NBAS: variants seen among roughly 807,000 people sequenced by gnomAD.
NBAS encodes the protein NBAS subunit of NRZ tethering complex.
Under a neutral mutation model 302.5 loss-of-function variants are expected in NBAS, and 219 were observed. The observed-to-expected ratio is 0.72, with a 90% CI of 0.65 to 0.81. The LOEUF is 0.81. NBAS is among the 30% of genes least tolerant of loss of function. The pLI is 0.00. For synonymous variants in NBAS, 1,118 were observed against 1,021.6 expected, an observed-to-expected ratio of 1.09 and a Z score of -1.80; for missense variants, 2,932 against 2,841.6, an observed-to-expected ratio of 1.03 and a Z score of -0.72.
chr2:15,314,979 T>C (rs1671440443), intron 38 of NBAS, among the ~76,000 whole-genome samples: 1 of 152,088 alleles, frequency 6.6e-6, no homozygotes, highest in African/African-American at 2.4e-5. Context: ...TGGGGAAAAA[T>C]CAGAGCATGG....
chr2:15,002,586 G>A, the NBAS span, among the ~76,000 whole-genome samples: 4 of 152,230 alleles, frequency 2.6e-5, no homozygotes, highest in East Asian at 7.7e-4. Flanking sequence ...GGAGCAGGGG[G>A]TGGCACTCAC....
At chr2:15,412,246 C>T (rs190314251) in intron 25 of NBAS, among the ~76,000 whole-genome samples, 44 of 152,260 alleles carry the variant, frequency 2.9e-4, no homozygotes, top group Middle Eastern at 3.4e-3. Context: ...GCCCATGAGA[C>T]GTTCTTTGAC....
At chr2:14,962,863 G>A in the NBAS span, among the ~76,000 whole-genome samples, 1 of 152,052 alleles carries the variant, frequency 6.6e-6, no homozygotes, top group East Asian at 1.9e-4. Flanking sequence ...TGTTGCAAAA[G>A]GGGATTATTC....
At chr2:15,339,213 T>A (rs926844154) in intron 35 of NBAS, among the ~76,000 whole-genome samples, 3 of 152,130 alleles carry the variant, frequency 2.0e-5, no homozygotes, top group African/African-American at 7.2e-5. Context: ...GGGTTCTAGA[T>A]GAACCCACAA....
intron 35 of NBAS, among the ~76,000 whole-genome samples, chr2:15,336,321 AT>A (rs1290353879): frequency 1.3e-5 from 2 of 152,206 alleles, no homozygotes; most frequent in Non-Finnish European, 2.9e-5. Flanking sequence ...CAGAGACACT[AT>A]TTATTCATTG....
the NBAS span, among the ~76,000 whole-genome samples, chr2:15,092,482 C>A: frequency 4.1e-4 from 62 of 152,262 alleles, no homozygotes; most frequent in African/African-American, 1.3e-3. Flanking sequence ...TAAATTAGCT[C>A]CGAAAGAAAT....
chr2:14,828,243 A>G, the NBAS span, among the ~76,000 whole-genome samples: 1 of 152,178 alleles, frequency 6.6e-6, no homozygotes, highest in Admixed American at 6.5e-5. Flanking sequence ...GTGCGTATGG[A>G]AGAAAATACA....
the NBAS span, among the ~76,000 whole-genome samples, chr2:14,787,658 C>A: frequency 6.6e-6 from 1 of 152,334 alleles, no homozygotes; most frequent in East Asian, 1.9e-4. Context: ...CCCCCACTCT[C>A]TTCTGGCTTG....
chr2:15,232,477 G>T lies in NBAS; in HGVS notation c.6181C>A (p.Pro2061Thr). 6.2e-7 allele frequency: 1 copy of T among 1,613,972 alleles called. No individual in the cohort carries two copies. The highest frequency in any genetic ancestry group is 1.7e-4 in the Middle Eastern group (1 of 6,060). Residue 2061 changes from proline (P) to threonine (T), a missense_variant, in exon 47 of 52, where the codon CCA becomes ACA. Coordinates refer to ENST00000281513, the MANE Select transcript of NBAS (RefSeq NM_015909.4). ...ACAACACCTTCCAGGACCTTCAGTGGGTCCCTTGGCCCACCAAGGTCAGCA... is the reference window on the plus strand; with the variant it reads ...ACAACACCTTCCAGGACCTTCAGTGTGTCCCTTGGCCCACCAAGGTCAGCA... Reference protein sequence around the residue: ...GSADLGGPRDPLKVLEGVVAA... With the variant: ...GSADLGGPRDTLKVLEGVVAA...
the NBAS span, among the ~76,000 whole-genome samples, chr2:15,023,089 G>T: frequency 6.6e-6 from 1 of 151,794 alleles, no homozygotes; most frequent in Non-Finnish European, 1.5e-5. Context: ...ATTTTCTAGA[G>T]ATATATATGT....
chr2:14,856,808 T>C, the NBAS span, among the ~76,000 whole-genome samples: 1 of 151,804 alleles, frequency 6.6e-6, no homozygotes, highest in Non-Finnish European at 1.5e-5. Flanking sequence ...ATCTAGAAAA[T>C]AGCCTCAACG....
rs940547363 is a variant in NBAS, at chr2:15,558,438, A to G, written c.172+142T>C. 4.5e-4 allele frequency: 290 copies of G among 638,728 alleles called. 1 individual carries two copies. The highest frequency in any genetic ancestry group is 9.4e-5 in the Non-Finnish European group (35 of 372,050). The allele number at this position is 638,728 out of a possible 1,614,324, so 39.6% of individuals were successfully genotyped here. On this transcript the variant is annotated intron_variant, in intron 2 of 51. Coordinates refer to ENST00000281513, the MANE Select transcript of NBAS (RefSeq NM_015909.4). Reference sequence around the variant, plus strand: ...AATATACAAATGTATACATATACATACATATGTGTGTATATATAAATATAT... The same window carrying G: ...AATATACAAATGTATACATATACATGCATATGTGTGTATATATAAATATAT...
chr2:15,180,636 C>CG lies in NBAS; in HGVS notation c.6712-1521dup, dbSNP rs1218297965. The stretch of plus-strand genomic sequence containing the variant: ...TAAGCATTCCACACAAAGTGATGTG[C>CG]GGGGCCCCTTCTGACACAACACACA... On this transcript the variant is annotated intron_variant, in intron 50 of 51. Coordinates refer to ENST00000281513, the MANE Select transcript of NBAS (RefSeq NM_015909.4). Among the ~76,000 whole-genome samples, 29 of 152,302 alleles carry CG rather than the reference C, an allele frequency of 1.9e-4. No homozygotes were observed. In the South Asian group the frequency reaches 5.2e-3, roughly 27 times the overall value.
chr2:15,477,530 G>C (rs888091548), intron 13 of NBAS, among the ~76,000 whole-genome samples: 1 of 152,154 alleles, frequency 6.6e-6, no homozygotes, highest in African/African-American at 2.4e-5. Flanking sequence ...CAAAATGCAG[G>C]CAAGAGCCAC....
At chr2:15,127,130 T>C in the NBAS span, among the ~76,000 whole-genome samples, 1 of 152,194 alleles carries the variant, frequency 6.6e-6, no homozygotes, top group Admixed American at 6.5e-5. Context: ...TTTAATGCTA[T>C]GCAATTTTTG....
At chr2:15,541,768 C>A (rs921749215) in intron 6 of NBAS, among the ~76,000 whole-genome samples, 7 of 144,470 alleles carry the variant, frequency 4.8e-5, no homozygotes, top group African/African-American at 7.7e-5. Context: ...GGGGTCAGCC[C>A]CCCGCCCAGC....
At chr2:14,874,619 G>C in the NBAS span, among the ~76,000 whole-genome samples, 13 of 144,412 alleles carry the variant, frequency 9.0e-5, no homozygotes, top group African/African-American at 3.3e-4. Context: ...CAGCCTGGAC[G>C]ACAAAGCGAG....
At chr2:15,354,079 C>T (rs753422623) in intron 33 of NBAS, among the ~76,000 whole-genome samples, 19 of 152,174 alleles carry the variant, frequency 1.2e-4, no homozygotes, top group Non-Finnish European at 2.1e-4. Context: ...CCTGTGAGAG[C>T]TTTAAGAAAG....
intron 51 of NBAS, chr2:15,178,189 C>T: frequency 2.1e-6 from 1 of 469,560 alleles, no homozygotes; most frequent in Non-Finnish European, 4.4e-6. Context: ...AAATAGCATG[C>T]ATGTGTATAT....
Sources: gnomAD v4.1 joint callset for allele counts (sites outside exome capture counted in the v4.1 genomes callset) on GRCh38, gnomAD v4.1.1 for gene constraint, MANE v1.5 for transcripts, NCBI Gene and HGNC (gene_info 2026-07-23, HGNC 2026-07-21) for gene names.